Variants in KLK15 observed in about 807,000 individuals in gnomAD.
KLK15 encodes the protein kallikrein-15.
A neutral mutation model predicts 21.1 loss-of-function variants in KLK15; 19 were observed. The observed-to-expected ratio is 0.90, with a 90% CI of 0.63 to 1.32. The LOEUF is 1.32. KLK15 is among the 40% of genes most tolerant of loss of function. KLK15 has a pLI of 0.00. For missense variants in KLK15, 345 were observed against 348.6 expected, an observed-to-expected ratio of 0.99 and a Z score of 0.08; for synonymous variants, 141 against 141.5, an observed-to-expected ratio of 1.00 and a Z score of 0.03.
In KLK15 at chr19:50,830,348, C is replaced by A. The variant is rs2089961197; in HGVS notation, c.43+1102G>T. On this transcript the variant is annotated intron_variant, in intron 1 of 4. Coordinates refer to ENST00000598239, the Ensembl canonical transcript of KLK15. ...TGCACAGCCAGACCAAATGCCCACACTCTCCCCATCACAGTCAGGAACTGG... is the reference window on the plus strand; with the variant it reads ...TGCACAGCCAGACCAAATGCCCACAATCTCCCCATCACAGTCAGGAACTGG... 2.0e-5 allele frequency among the ~76,000 whole-genome samples: 3 copies of A among 151,838 alleles called. 1 individual carries two copies. Among genetic ancestry groups the A allele is most frequent in the Admixed American group, 2.0e-4 (3 of 15,218 alleles).
chr19:50,832,602 C>A (rs1193133761), upstream of KLK15, among the ~76,000 whole-genome samples: 2 of 152,158 alleles, frequency 1.3e-5, no homozygotes, highest in African/African-American at 4.8e-5. Flanking sequence ...GGATTACAGG[C>A]ATGAGTTGCC....
At chr19:50,826,636 G>A in exon 4 of KLK15, 2 of 1,602,996 alleles carry the variant, frequency 1.2e-6, no homozygotes, top group Non-Finnish European at 1.7e-6. Context: ...AGGATTCTGC[G>A]CCTCTGCCCT....
chr19:50,832,214 T>C (rs2090000534), upstream of KLK15, among the ~76,000 whole-genome samples: 1 of 152,038 alleles, frequency 6.6e-6, no homozygotes, highest in Non-Finnish European at 1.5e-5. Flanking sequence ...AGGGTCTTTC[T>C]ACATCTGGAG....
rs781038361 is a variant in KLK15 at position 50,826,852 on chromosome 19, G to A, written c.481+26C>T. The A allele has an allele frequency of 1.1e-5, 17 of 1,554,728 alleles. No individual in the cohort carries two copies. The South Asian group carries it at 2.0e-4, about 18-fold the overall frequency. ...GGAGCATAGGATTCCTTGAGGCCTC[G>A]CATCCAGCTCCATCCTTTCACGCAC... On this transcript the variant is annotated intron_variant, in intron 3 of 4. Coordinates refer to ENST00000598239, the Ensembl canonical transcript of KLK15.
chr19:50,828,814 A>G (rs2089928811), intron 1 of KLK15, among the ~76,000 whole-genome samples: 1 of 151,100 alleles, frequency 6.6e-6, no homozygotes, highest in Non-Finnish European at 1.5e-5. Flanking sequence ...ACAAAAATAC[A>G]AAAAATTAGC....
At chr19:50,825,666 C>A (rs1205228050), downstream of KLK15, 3 of 902,734 alleles carry the variant, frequency 3.3e-6, no homozygotes, top group Non-Finnish European at 4.9e-6. Flanking sequence ...TGGGACAAGT[C>A]CTTGGCTAAC....
intron 2 of KLK15, 27 bp downstream of exon 3, chr19:50,827,635 C>G (rs1568484422): frequency 1.9e-6 from 3 of 1,604,768 alleles, no homozygotes; most frequent in East Asian, 2.2e-5. Context: ...CAGGCTCCCT[C>G]AGGACCCTGA....
At position 50,827,091 on chromosome 19, in the gene KLK15, A is replaced by ACGTGGTC; in HGVS notation, c.261_267dup (p.Ser90AspfsTer94). On this transcript the variant is annotated frameshift_variant, in exon 3 of 5. Coordinates refer to ENST00000598239, the Ensembl canonical transcript of KLK15. LOFTEE classifies it high-confidence loss of function. ...TAGCGCGGGTGTGGAATGACCCGAG[A>ACGTGGTC]CGTGGTCCGTAGTTGCTCTGGGCCA... 1 of 1,605,872 alleles carries ACGTGGTC rather than the reference A, an allele frequency of 6.2e-7. No individual in the cohort carries two copies. Among genetic ancestry groups the ACGTGGTC allele is most frequent in the East Asian group, 2.2e-5 (1 of 44,880 alleles).
At chr19:50,827,280 A>T in intron 2 of KLK15, 119 bp from the exon 4 acceptor site, 1 of 943,340 alleles carries the variant, frequency 1.1e-6, no homozygotes, top group South Asian at 1.7e-5. Flanking sequence ...AGAAATCTCG[A>T]CATCCCATTA....
Position 50,826,608 on chromosome 19 carries a change from T to C in KLK15, c.618+13A>G, listed in dbSNP as rs2089882962. ...CCCTCTTCTTCCGCCTGATGGCCCC[T>C]CTAGGCTCTGACCTCACAGGATTCT... On this transcript the variant is annotated intron_variant, in intron 4 of 4. Transcript: ENST00000598239. 1.3e-6 allele frequency: 2 copies of C among 1,581,188 alleles called. No homozygotes were observed. Among genetic ancestry groups the C allele is most frequent in the Admixed American group, 1.8e-5 (1 of 54,386 alleles).
rs771416716 is a variant in KLK15, at chr19:50,827,010, G to T, written c.349C>A (p.Arg117Ser). 22 of 1,605,802 alleles carry T rather than the reference G, an allele frequency of 1.4e-5. No individual in the cohort carries two copies. The Admixed American group carries it at 3.5e-4, about 26-fold the overall frequency. The change falls in exon 3 of 5, where the codon CGC becomes AGC. Residue 117 changes from arginine to serine, a missense_variant. Arg to Ser is a moderately radical substitution (Grantham distance 110, BLOSUM62 -1). Coordinates refer to ENST00000598239, the Ensembl canonical transcript of KLK15. ...GCGGGGCGCACCTGGGGGTTCAGGC[G>T]TGCGGGCTGGACTAGGCGCAGCAAC...
At chr19:50,827,030 A>G in exon 3 of KLK15, 2 of 1,606,280 alleles carry the variant, frequency 1.2e-6, no homozygotes, top group South Asian at 1.1e-5. Context: ...GACTAGGCGC[A>G]GCAACATGAT....
chr19:50,832,863 C>G (rs1019247675), upstream of KLK15, among the ~76,000 whole-genome samples: 3 of 152,186 alleles, frequency 2.0e-5, no homozygotes, highest in African/African-American at 7.2e-5. Context: ...GGCAGCTCCC[C>G]GAGGAGCTGG....
upstream of KLK15, among the ~76,000 whole-genome samples, chr19:50,833,439 T>C (rs2090022356): frequency 6.6e-6 from 1 of 152,196 alleles, no homozygotes; most frequent in Non-Finnish European, 1.5e-5. Flanking sequence ...CACTCAGTTC[T>C]CCAAGCGTGG....
chr19:50,827,977 G>A (rs369241986), intron 1 of KLK15, among the ~76,000 whole-genome samples, 162 bp from the exon 3 acceptor site: 3 of 151,316 alleles, frequency 2.0e-5, no homozygotes, highest in African/African-American at 7.3e-5. Context: ...TTTTGAGACG[G>A]AGTCTCACTC....
chr19:50,831,394 C>T, intron 1 of KLK15, 56 bp downstream of exon 2: 2 of 1,291,730 alleles, frequency 1.5e-6, no homozygotes, highest in Admixed American at 3.9e-5. Context: ...CCCAGACATG[C>T]TTGGGAAGGG....
rs1396982180 is a variant in KLK15, at chr19:50,828,132, G to T, written c.44-317C>A. 5.3e-5 allele frequency among the ~76,000 whole-genome samples: 8 copies of T among 151,416 alleles called. 1 individual carries two copies. Among genetic ancestry groups the T allele is most frequent in the Non-Finnish European group, 8.9e-5 (6 of 67,702 alleles). Reference sequence around the variant, plus strand: ...GGCTAATTTTTGTATTTTTAGTAGAGACGAGGTCTCACCATGTTAGCCAGG... The same window carrying T: ...GGCTAATTTTTGTATTTTTAGTAGATACGAGGTCTCACCATGTTAGCCAGG... On this transcript the variant is annotated intron_variant, in intron 1 of 4. Transcript: ENST00000598239.
exon 3 of KLK15, chr19:50,827,156 A>T (rs768664497): frequency 3.2e-6 from 5 of 1,582,484 alleles, no homozygotes; most frequent in Non-Finnish European, 4.3e-6. Flanking sequence ...GCGCACTCTC[A>T]TGAAGCTGTG....
At chr19:50,827,020 G>T (rs770350961) in exon 3 of KLK15, 2 of 1,605,882 alleles carry the variant, frequency 1.2e-6, no homozygotes, top group Non-Finnish European at 1.7e-6. Flanking sequence ...GTGCGGGCTG[G>T]ACTAGGCGCA....
Sources: allele counts gnomAD v4.1 joint callset (sites outside exome capture counted in the v4.1 genomes callset), GRCh38; gene constraint gnomAD v4.1.1; transcripts MANE v1.5; gene names NCBI Gene and HGNC (gene_info 2026-07-23, HGNC 2026-07-21).